KCNQ5: variants seen among roughly 807,000 people sequenced by gnomAD.
KCNQ5 encodes the protein potassium voltage-gated channel subfamily Q member 5, also known as potassium voltage-gated channel subfamily KQT member 5.
KCNQ5 carries 30 observed loss-of-function variants against 98.2 expected under a neutral mutation model. The observed-to-expected ratio is 0.31, with a 90% CI of 0.23 to 0.41. The LOEUF is 0.41. Among genes scored for constraint, KCNQ5 ranks in the 10% least tolerant of loss-of-function variants. KCNQ5 has a pLI of 1.00. For synonymous variants in KCNQ5, 458 were observed against 449.4 expected (o/e 1.02, Z -0.24); for missense variants, 835 against 1,182.5 (o/e 0.71, Z 4.31).
At chr6:73,034,426 G>T (rs933568046) in intron 2 of KCNQ5, among the ~76,000 whole-genome samples, 1 of 152,078 alleles carries the variant, frequency 6.6e-6, no homozygotes, top group Non-Finnish European at 1.5e-5. Flanking sequence ...TTATAATGTC[G>T]GCATTTCATC....
intron 1 of KCNQ5, among the ~76,000 whole-genome samples, chr6:72,744,993 G>T (rs1334899852): frequency 6.6e-6 from 1 of 152,130 alleles, no homozygotes; most frequent in Non-Finnish European, 1.5e-5. Context: ...ATAATACAGA[G>T]AAGTATAATT....
intron 10 of KCNQ5, among the ~76,000 whole-genome samples, chr6:73,144,445 C>G (rs533084379): frequency 6.6e-6 from 1 of 152,144 alleles, no homozygotes. Flanking sequence ...CTGAGATTTG[C>G]GTCTTTCATT....
chr6:72,869,873 AG>A (rs1368370650), intron 1 of KCNQ5, among the ~76,000 whole-genome samples: 3 of 152,212 alleles, frequency 2.0e-5, no homozygotes, highest in Non-Finnish European at 4.4e-5. Context: ...GGGTGCGATG[AG>A]GGTCAAAGAG....
chr6:73,016,339 A>C (rs1487215208), intron 2 of KCNQ5, among the ~76,000 whole-genome samples: 1 of 152,074 alleles, frequency 6.6e-6, no homozygotes, highest in East Asian at 1.9e-4. Flanking sequence ...GAAGATGAGC[A>C]ACTGAAGGAG....
chr6:72,928,202 C>T (rs943939742), intron 1 of KCNQ5, among the ~76,000 whole-genome samples: 3 of 152,030 alleles, frequency 2.0e-5, no homozygotes, highest in Admixed American at 2.0e-4. Context: ...TTCTTGCTTT[C>T]TGTTACTCTT....
chr6:72,853,395 T>C (rs900614979), intron 1 of KCNQ5, among the ~76,000 whole-genome samples: 11 of 152,086 alleles, frequency 7.2e-5, no homozygotes, highest in Non-Finnish European at 2.9e-5. Flanking sequence ...CCAGGCTGGA[T>C]TGCGGTGGTG....
At chr6:72,867,879 G>A (rs1322769688) in intron 1 of KCNQ5, among the ~76,000 whole-genome samples, 2 of 152,028 alleles carry the variant, frequency 1.3e-5, no homozygotes, top group Non-Finnish European at 2.9e-5. Flanking sequence ...AGACTTCAGA[G>A]AGGTATGATC....
chr6:72,665,521 A>G (rs560314521), intron 1 of KCNQ5, among the ~76,000 whole-genome samples: 1 of 152,316 alleles, frequency 6.6e-6, no homozygotes, highest in Non-Finnish European at 1.5e-5. Flanking sequence ...GTAAACTTCT[A>G]ACTAGTTCTG....
chr6:72,706,281 G>A (rs1487390760), intron 1 of KCNQ5, among the ~76,000 whole-genome samples: 1 of 151,796 alleles, frequency 6.6e-6, no homozygotes, highest in Non-Finnish European at 1.5e-5. Context: ...TTCTGAAGTG[G>A]AAAGGATGTT....
At chr6:73,113,616 T>A (rs1459885735) in intron 7 of KCNQ5, among the ~76,000 whole-genome samples, 1 of 152,222 alleles carries the variant, frequency 6.6e-6, no homozygotes, top group East Asian at 1.9e-4. Context: ...CTGCAGGAAA[T>A]CTCCTGATCT....
Position 72,622,126 on chromosome 6 carries a change from C to T in KCNQ5, c.-64C>T. On this transcript the variant is annotated 5_prime_UTR_variant, in exon 1 of 14. Transcript: ENST00000370398. The surrounding 1 kb of genome is among the most constrained non-coding windows in gnomAD (Gnocchi z 6.0). ...GCTTCCTCCTTGAAACCCGCCGGCG[C>T]ACATGAGGCCGCTGCCCCCGCCGCA... 3 of 1,200,520 alleles carry T rather than the reference C, an allele frequency of 2.5e-6. No individual in the cohort carries two copies. The highest frequency in any genetic ancestry group is 3.1e-6 in the Non-Finnish European group (3 of 965,314). The allele number at this position is 1,200,520 out of a possible 1,614,324, so 74.4% of individuals were successfully genotyped here.
At chr6:73,013,484 C>T (rs1182793281) in intron 2 of KCNQ5, among the ~76,000 whole-genome samples, 1 of 152,048 alleles carries the variant, frequency 6.6e-6, no homozygotes, top group African/African-American at 2.4e-5. Context: ...GTGTTAATTT[C>T]CTATATTTGG....
chr6:72,828,384 T>C (rs1013638946), intron 1 of KCNQ5, among the ~76,000 whole-genome samples: 6 of 152,190 alleles, frequency 3.9e-5, no homozygotes, highest in Non-Finnish European at 1.5e-5. Context: ...CATTTGTTTG[T>C]ATCCTCTTCA....
In KCNQ5 at chr6:73,194,817, C is replaced by A; in HGVS notation, c.2202C>A (p.Asn734Lys). 3.7e-6 allele frequency: 6 copies of A among 1,614,182 alleles called. No homozygotes were observed. The highest frequency in any genetic ancestry group is 5.1e-6 in the Non-Finnish European group (6 of 1,180,038). Residue 734 changes from asparagine to lysine, a missense_variant, in exon 14 of 14, where the codon AAC becomes AAA. Physicochemically the swap from Asn to Lys is moderately conservative, Grantham distance 94 (BLOSUM62 0). This residue lies in a region of KCNQ5 where 416 missense variants were observed against 446.9 expected (regional missense o/e 0.93). Coordinates refer to ENST00000370398, the MANE Select transcript of KCNQ5 (RefSeq NM_019842.4). ...TGGCAGCCACCAACACCATTGCAAA[C>A]CAAATAAATACGGCACCCAAGCCAG... ...SAVAATNTIA[N>K]QINTAPKPAA... is the part of the protein sequence containing the mutation.
intron 1 of KCNQ5, among the ~76,000 whole-genome samples, chr6:72,869,121 T>G (rs1778104014): frequency 6.6e-6 from 1 of 152,204 alleles, no homozygotes; most frequent in African/African-American, 2.4e-5. Flanking sequence ...ACATATTATA[T>G]GTGCCCATAA....
chr6:72,693,818 T>C (rs1768343381), intron 1 of KCNQ5, among the ~76,000 whole-genome samples: 1 of 152,236 alleles, frequency 6.6e-6, no homozygotes, highest in South Asian at 2.1e-4. Flanking sequence ...ACTTATCTTT[T>C]AATTCTTCCC....
chr6:73,120,145 C>T (rs1308088967), intron 7 of KCNQ5, among the ~76,000 whole-genome samples: 2 of 151,756 alleles, frequency 1.3e-5, no homozygotes, highest in African/African-American at 4.8e-5. Context: ...ACTCTAGAGG[C>T]TGAGGCACAA....
intron 1 of KCNQ5, among the ~76,000 whole-genome samples, chr6:72,738,872 C>G (rs66811027): frequency 0.39 from 58,836 of 152,052 alleles, 15,188 homozygotes; most frequent in African/African-American, 0.71. Flanking sequence ...ATAGTTAAAA[C>G]ATCAGTGGTT....
intron 1 of KCNQ5, among the ~76,000 whole-genome samples, chr6:72,812,144 G>A (rs981888712): frequency 8.5e-5 from 13 of 152,134 alleles, no homozygotes; most frequent in South Asian, 4.1e-4. Flanking sequence ...TTTCATTGCC[G>A]TCTTTGTTTT....
Sources: allele counts gnomAD v4.1 joint callset (sites outside exome capture counted in the v4.1 genomes callset), GRCh38; gene constraint gnomAD v4.1.1; regional missense constraint gnomAD v4.1.1; non-coding constraint Gnocchi (gnomAD v3.1); transcripts MANE v1.5; gene names NCBI Gene and HGNC (gene_info 2026-07-23, HGNC 2026-07-21).